Variants in DLG2 observed in about 807,000 individuals in gnomAD.
The protein encoded by DLG2 is disks large homolog 2.
DLG2 carries 45 observed loss-of-function variants against 132.5 expected under a neutral mutation model. That is an observed-to-expected ratio of 0.34 (90% CI 0.27 to 0.44). DLG2 has a LOEUF of 0.44. Among genes scored for constraint, DLG2 ranks in the 20% least tolerant of loss-of-function variants. DLG2 has a pLI of 1.00. For synonymous variants in DLG2, 424 were observed against 419.6 expected (o/e 1.01, Z -0.13); for missense variants, 1,045 against 1,196.9 (o/e 0.87, Z 1.87).
chr11:84,887,354 T>C (rs1208241939), intron 6 of DLG2: 1 of 152,094 alleles, frequency 6.6e-6, no homozygotes, highest in Non-Finnish European at 1.5e-5. Context: ...TTTATGAAAG[T>C]GAAAATGCTG....
chr11:83,574,742 C>A (rs990786015), intron 19 of DLG2, among the ~76,000 whole-genome samples: 7 of 152,170 alleles, frequency 4.6e-5, no homozygotes, highest in Non-Finnish European at 8.8e-5. Flanking sequence ...CAAGAATGTA[C>A]TTTTTAGCTA....
In DLG2 at chr11:84,826,775, T is replaced by G. The variant is rs370215035; in HGVS notation, c.357+284886A>C. 5.3e-4 allele frequency among the ~76,000 whole-genome samples: 81 copies of G among 151,928 alleles called. 4 individuals are homozygous for G. The South Asian group carries it at 0.017, about 31-fold the overall frequency. On this transcript the variant is annotated intron_variant, in intron 6 of 27. Coordinates refer to ENST00000376104, the MANE Select transcript of DLG2 (RefSeq NM_001142699.3). ...AACCAGGACAACCTCTGCTGCTGCC[T>G]TGCCTCTACTCTCAATTTTCTTTGG...
intron 3 of DLG2, among the ~76,000 whole-genome samples, chr11:85,358,663 A>G (rs1314687130): frequency 1.3e-5 from 2 of 152,222 alleles, no homozygotes; most frequent in Non-Finnish European, 2.9e-5. Context: ...AGTGTTATCA[A>G]TAATGTCTTC....
intron 4 of DLG2, among the ~76,000 whole-genome samples, chr11:85,158,516 G>A (rs1186508497): frequency 6.6e-6 from 1 of 152,120 alleles, no homozygotes; most frequent in Admixed American, 6.5e-5. Flanking sequence ...ATACATTCTT[G>A]ACCAATGCCT....
At chr11:85,292,129 C>A (rs1454227902) in intron 3 of DLG2, among the ~76,000 whole-genome samples, 1 of 152,094 alleles carries the variant, frequency 6.6e-6, no homozygotes, top group Non-Finnish European at 1.5e-5. Flanking sequence ...TGTTCATATC[C>A]AATTTCCTTA....
intron 9 of DLG2, among the ~76,000 whole-genome samples, chr11:84,138,727 T>C (rs775521182): frequency 1.3e-5 from 2 of 152,132 alleles, no homozygotes; most frequent in Non-Finnish European, 2.9e-5. Context: ...GGCGGGCAGA[T>C]CACTTTATGT....
At chr11:84,382,135 C>T (rs1340272710) in intron 7 of DLG2, among the ~76,000 whole-genome samples, 1 of 152,150 alleles carries the variant, frequency 6.6e-6, no homozygotes, top group Non-Finnish European at 1.5e-5. Flanking sequence ...AACAAGCTCC[C>T]ACAAATCAGC....
chr11:84,010,293 G>GTATTAT (rs71463190), intron 11 of DLG2, among the ~76,000 whole-genome samples: 58,352 of 147,368 alleles, frequency 0.4, 12,925 homozygotes, highest in Middle Eastern at 0.55. Context: ...CATTTTAATT[G>GTATTAT]TATTATTATT....
intron 15 of DLG2, among the ~76,000 whole-genome samples, chr11:83,894,294 C>T (rs1402544564): frequency 1.3e-5 from 2 of 151,894 alleles, no homozygotes; most frequent in Non-Finnish European, 2.9e-5. Context: ...TAGAGAGATA[C>T]ATAAGTAAGT....
At chr11:84,321,438 A>C (rs1030053064) in intron 7 of DLG2, among the ~76,000 whole-genome samples, 1 of 152,104 alleles carries the variant, frequency 6.6e-6, no homozygotes, top group African/African-American at 2.4e-5. Flanking sequence ...TTGATACTAT[A>C]ATCTTTAAAG....
intron 19 of DLG2, among the ~76,000 whole-genome samples, chr11:83,617,071 T>A (rs972783240): frequency 6.6e-6 from 1 of 152,224 alleles, no homozygotes; most frequent in Non-Finnish European, 1.5e-5. Flanking sequence ...TAACATCATA[T>A]AATGTAAATT....
chr11:84,825,163 G>C (rs866008916), intron 6 of DLG2, among the ~76,000 whole-genome samples: 4 of 151,972 alleles, frequency 2.6e-5, no homozygotes, highest in African/African-American at 9.6e-5. Flanking sequence ...GTGTGATATA[G>C]CACACCCTGG....
intron 7 of DLG2, among the ~76,000 whole-genome samples, chr11:84,405,269 C>G (rs1016866711): frequency 6.6e-6 from 1 of 152,194 alleles, no homozygotes; most frequent in Non-Finnish European, 1.5e-5. Context: ...CTTTCCACAG[C>G]CAACCTTAGT....
intron 18 of DLG2, chr11:83,645,850 C>T (rs552878185): frequency 2.6e-5 from 4 of 152,154 alleles, no homozygotes; most frequent in Admixed American, 2.6e-4. Flanking sequence ...AAGTTTTTTC[C>T]ATTGTTATTT....
intron 3 of DLG2, among the ~76,000 whole-genome samples, chr11:85,294,130 T>C (rs2079079036): frequency 2.6e-5 from 4 of 152,112 alleles, no homozygotes. Flanking sequence ...TGTATATGTG[T>C]GTATAGAGAT....
At chr11:85,538,319 T>C (rs2075738849) in intron 3 of DLG2, among the ~76,000 whole-genome samples, 1 of 151,714 alleles carries the variant, frequency 6.6e-6, no homozygotes, top group Non-Finnish European at 1.5e-5. Flanking sequence ...GATCTGGCAA[T>C]TATTAAAAAG....
In DLG2 at chr11:84,790,936, T is replaced by C. The variant is rs571074421; in HGVS notation, c.358-256205A>G. On this transcript the variant is annotated intron_variant, in intron 6 of 27. Transcript: ENST00000376104. Reference sequence around the variant, plus strand: ...TTTCTTTGTTCTCTATTCTGTTCTATTGGTCTATGTATTAGTCTGTTCTTA... The same window carrying C: ...TTTCTTTGTTCTCTATTCTGTTCTACTGGTCTATGTATTAGTCTGTTCTTA... Among the ~76,000 whole-genome samples, 140 of 152,324 alleles carry C rather than the reference T, an allele frequency of 9.2e-4. 2 individuals are homozygous for C. Among genetic ancestry groups the C allele is most frequent in the African/African-American group, 3.2e-3 (135 of 41,582 alleles).
At chr11:83,758,418 T>C (rs536804916) in intron 18 of DLG2, among the ~76,000 whole-genome samples, 16 of 152,312 alleles carry the variant, frequency 1.1e-4, no homozygotes, top group African/African-American at 3.6e-4. Flanking sequence ...CTTTTCCATA[T>C]CTTTGCAGTC....
intron 8 of DLG2, among the ~76,000 whole-genome samples, chr11:84,224,588 TC>T: frequency 6.6e-6 from 1 of 152,332 alleles, no homozygotes; most frequent in South Asian, 2.1e-4. Flanking sequence ...CTGATGTCAT[TC>T]TTAATCCTAT....
Sources: gnomAD v4.1 joint callset for allele counts (sites outside exome capture counted in the v4.1 genomes callset) on GRCh38, gnomAD v4.1.1 for gene constraint, MANE v1.5 for transcripts, NCBI Gene and HGNC (gene_info 2026-07-23, HGNC 2026-07-21) for gene names.